The following PAK3 variants were observed in gnomAD, a reference collection of about 807,000 sequenced individuals.
PAK3 encodes p21 (RAC1) activated kinase 3, also known as serine/threonine-protein kinase PAK 3.
Under a neutral mutation model 41.0 loss-of-function variants are expected in PAK3, and 4 were observed. The observed-to-expected ratio is 0.10, with a 90% CI of 0.05 to 0.22. The LOEUF is 0.22. PAK3 is among the 10% of genes least tolerant of loss of function. PAK3 has a pLI of 1.00. For missense variants in PAK3, 205 were observed against 409.9 expected (o/e 0.50, Z 4.32); for synonymous variants, 146 against 139.6 (o/e 1.05, Z -0.32).
intron 1 of PAK3, among the ~76,000 whole-genome samples, chrX:110,985,848 C>T (rs1276850176): frequency 2.7e-5 from 3 of 111,686 alleles, no homozygotes; most frequent in East Asian, 5.6e-4. Flanking sequence ...ACAGGCAGTT[C>T]GATTCAAAGC....
At chrX:111,056,709 C>A (rs1238514833) in intron 1 of PAK3, among the ~76,000 whole-genome samples, 1 of 112,114 alleles carries the variant, frequency 8.9e-6, no homozygotes, top group Middle Eastern at 4.2e-3. Flanking sequence ...ACATAAATTG[C>A]TACATAATGT....
intron 1 of PAK3, among the ~76,000 whole-genome samples, chrX:110,998,585 C>T (rs768947558): frequency 2.7e-5 from 3 of 111,790 alleles, no homozygotes; most frequent in Non-Finnish European, 5.6e-5. Flanking sequence ...GGGGCAGTAG[C>T]AGTATCTAGA....
chrX:110,973,977 A>C (rs980668297), intron 1 of PAK3, among the ~76,000 whole-genome samples: 1 of 112,329 alleles, frequency 8.9e-6, no homozygotes, highest in East Asian at 2.8e-4. Flanking sequence ...AGGACATTAC[A>C]TAATGGTAAA....
At chrX:111,018,755 A>T (rs2092128182) in intron 1 of PAK3, among the ~76,000 whole-genome samples, 1 of 111,787 alleles carries the variant, frequency 8.9e-6, no homozygotes, top group Non-Finnish European at 1.9e-5. Flanking sequence ...TAAAATTTAT[A>T]TGGAATCTCA....
chrX:110,978,862 C>T (rs2091392658), intron 1 of PAK3, among the ~76,000 whole-genome samples: 1 of 110,229 alleles, frequency 9.1e-6, no homozygotes, highest in Non-Finnish European at 1.9e-5. Context: ...TGTTTTTCTC[C>T]CCTTTCCACT....
intron 1 of PAK3, among the ~76,000 whole-genome samples, chrX:110,961,642 C>T (rs951183451): frequency 8.9e-6 from 1 of 111,755 alleles, no homozygotes; most frequent in African/African-American, 3.3e-5. Flanking sequence ...CTTCTCTTCA[C>T]CTCTAGATTC....
chrX:110,975,522 T>C (rs1311527490), intron 1 of PAK3, among the ~76,000 whole-genome samples: 1 of 111,944 alleles, frequency 8.9e-6, no homozygotes, highest in Non-Finnish European at 1.9e-5. Flanking sequence ...ATCATGAAAG[T>C]GGCCATACTG....
upstream of PAK3, among the ~76,000 whole-genome samples, chrX:111,095,281 T>C (rs1346955023): frequency 8.9e-6 from 1 of 112,357 alleles, no homozygotes; most frequent in African/African-American, 3.2e-5. Context: ...CCTCTTCTGA[T>C]CGTTTTCTGT....
chrX:110,997,150 T>G (rs1032437664), intron 1 of PAK3, among the ~76,000 whole-genome samples: 4 of 110,954 alleles, frequency 3.6e-5, no homozygotes, highest in African/African-American at 1.3e-4. Context: ...GCTGGAGGTT[T>G]GAAGACAAGG....
chrX:110,993,798 G>T (rs2091693487), intron 1 of PAK3, among the ~76,000 whole-genome samples: 2 of 111,431 alleles, frequency 1.8e-5, no homozygotes, highest in African/African-American at 3.3e-5. Context: ...TTGTTGTAAA[G>T]GTCAACAGCA....
chrX:110,954,705 G>A (rs1273895767), intron 1 of PAK3, among the ~76,000 whole-genome samples: 1 of 111,764 alleles, frequency 8.9e-6, no homozygotes, highest in Non-Finnish European at 1.9e-5. Context: ...CATTGTAGGG[G>A]TGGGGCTCAG....
At chrX:111,045,198 T>C (rs2092485486) in intron 1 of PAK3, among the ~76,000 whole-genome samples, 1 of 112,073 alleles carries the variant, frequency 8.9e-6, no homozygotes, top group African/African-American at 3.2e-5. Context: ...GGGCAAGCAA[T>C]TGGAAAGGTG....
At chrX:111,200,187 C>T (rs1469475452) in intron 16 of PAK3, among the ~76,000 whole-genome samples, 1 of 110,995 alleles carries the variant, frequency 9.0e-6, no homozygotes, top group Admixed American at 9.6e-5. Context: ...TCATATAAAG[C>T]TTGCAAAATC....
At chrX:111,071,557 G>T (rs1243564966) in intron 1 of PAK3, among the ~76,000 whole-genome samples, 2 of 111,734 alleles carry the variant, frequency 1.8e-5, no homozygotes, top group Non-Finnish European at 3.8e-5. Context: ...TTTCAGAGTT[G>T]CTATAAGATT....
At chrX:111,077,016 T>C (rs1008690339) in intron 1 of PAK3, among the ~76,000 whole-genome samples, 2 of 108,832 alleles carry the variant, frequency 1.8e-5, no homozygotes, top group African/African-American at 6.7e-5. Flanking sequence ...TAATGAACTA[T>C]CCCCCCCCAA....
chrX:110,996,170 T>C lies in PAK3; in HGVS notation c.-28+51542T>C, dbSNP rs376216614. Among the ~76,000 whole-genome samples the C allele has an allele frequency of 3.6e-5, 4 of 112,318 alleles. No homozygotes were observed. In the East Asian group the frequency reaches 1.1e-3, roughly 31 times the overall value. ...GTATTTCTAAATGCTCCTCAAGTGGTTTTAATGTGTAGCCAAGGTGGACAG... is the reference window on the plus strand; with the variant it reads ...GTATTTCTAAATGCTCCTCAAGTGGCTTTAATGTGTAGCCAAGGTGGACAG... On this transcript the variant is annotated intron_variant, in intron 1 of 14. Coordinates refer to the PAK3 transcript ENST00000425146.
At chrX:110,992,783 A>G (rs1021495818) in intron 1 of PAK3, among the ~76,000 whole-genome samples, 1 of 111,098 alleles carries the variant, frequency 9.0e-6, no homozygotes, top group East Asian at 2.8e-4. Flanking sequence ...GTTTACTGAA[A>G]ATCTGCCTCC....
At chrX:110,957,591 C>A (rs1017979072) in intron 1 of PAK3, among the ~76,000 whole-genome samples, 2 of 111,687 alleles carry the variant, frequency 1.8e-5, no homozygotes, top group Non-Finnish European at 3.8e-5. Context: ...TTGAATCTTG[C>A]AGGGACCCTG....
chrX:110,995,540 G>A (rs1221740737), intron 1 of PAK3, among the ~76,000 whole-genome samples: 1 of 111,191 alleles, frequency 9.0e-6, no homozygotes, highest in Admixed American at 9.6e-5. Context: ...GTCCCTCTTA[G>A]ACTACCAAAA....
Sources: gnomAD v4.1 joint callset for allele counts (sites outside exome capture counted in the v4.1 genomes callset) on GRCh38, gnomAD v4.1.1 for gene constraint, MANE v1.5 for transcripts, NCBI Gene and HGNC (gene_info 2026-07-23, HGNC 2026-07-21) for gene names.